Variants in UBE2F observed in about 807,000 individuals in gnomAD.
The protein encoded by UBE2F is NEDD8-conjugating enzyme UBE2F.
Under a neutral mutation model 29.6 loss-of-function variants are expected in UBE2F, and 5 were observed. The ratio of observed to expected loss-of-function variants is 0.17; its 90% CI spans 0.09 to 0.36. The LOEUF is 0.36. Among genes scored for constraint, UBE2F ranks in the 10% least tolerant of loss-of-function variants. The pLI, the probability that UBE2F is intolerant of heterozygous loss-of-function variation, is 1.00. For missense variants in UBE2F, 141 were observed against 228.5 expected, an observed-to-expected ratio of 0.62 and a Z score of 2.47; for synonymous variants, 66 against 81.8, an observed-to-expected ratio of 0.81 and a Z score of 1.04.
chr2:238,017,671 A>T (rs951326277), intron 5 of UBE2F, among the ~76,000 whole-genome samples: 2 of 152,198 alleles, frequency 1.3e-5, no homozygotes, highest in Non-Finnish European at 2.9e-5. Context: ...GCAGTTCAGC[A>T]TGCTTGTCTT....
intron 2 of UBE2F, chr2:237,973,601 A>G: frequency 9.2e-7 from 1 of 1,084,672 alleles, no homozygotes; most frequent in Non-Finnish European, 1.3e-6. Flanking sequence ...GTAAAGGGGA[A>G]GGAGTCAAAT....
At chr2:238,022,168 T>G (rs537203430) in intron 5 of UBE2F, among the ~76,000 whole-genome samples, 2 of 52,968 alleles carry the variant, frequency 3.8e-5, no homozygotes, top group African/African-American at 6.1e-5. Context: ...TTCTTTTCTT[T>G]TCTTTTCTTT....
intron 5 of UBE2F, 39 bp from the exon 6 acceptor site, chr2:238,025,303 A>T: frequency 1.3e-6 from 2 of 1,572,390 alleles, no homozygotes; most frequent in Non-Finnish European, 1.8e-6. Flanking sequence ...ATTTGCAGAG[A>T]CTGTCGGCGT....
intron 4 of UBE2F, chr2:238,003,572 G>A (rs1216678570): frequency 1.7e-5 from 5 of 286,296 alleles, no homozygotes; most frequent in Admixed American, 1.6e-4. Context: ...ATTTCCATGG[G>A]CAAAAACAGA....
At chr2:238,030,818 G>A (rs765214713) in intron 7 of UBE2F, among the ~76,000 whole-genome samples, 3 of 152,204 alleles carry the variant, frequency 2.0e-5, no homozygotes, top group African/African-American at 4.8e-5. Context: ...GAGCATCCTT[G>A]TTGACTTTGC....
chr2:237,971,483 C>T (rs77962184), intron 1 of UBE2F, among the ~76,000 whole-genome samples: 8 of 152,266 alleles, frequency 5.3e-5, no homozygotes, highest in South Asian at 2.1e-4. Flanking sequence ...CCACCACGCC[C>T]GGCTAATTTT....
At chr2:238,032,739 C>T (rs1348148235) in intron 8 of UBE2F, 1 of 154,136 alleles carries the variant, frequency 6.5e-6, no homozygotes, top group Admixed American at 6.4e-5. Flanking sequence ...CAAGACCAGC[C>T]TGGGCAACAT....
chr2:237,981,752 G>T (rs1452761445), intron 2 of UBE2F, among the ~76,000 whole-genome samples: 17 of 148,406 alleles, frequency 1.1e-4, no homozygotes, highest in African/African-American at 4.2e-4. Context: ...TCAGCCTCCT[G>T]AGTAGCTGGG....
intron 2 of UBE2F, among the ~76,000 whole-genome samples, chr2:237,985,174 T>G (rs1191505861): frequency 1.3e-5 from 2 of 152,234 alleles, no homozygotes; most frequent in Non-Finnish European, 2.9e-5. Flanking sequence ...GGTTGTTTAC[T>G]ACAGTCAGGT....
chr2:238,036,279 C>A (rs530588494), intron 9 of UBE2F, among the ~76,000 whole-genome samples: 1 of 152,106 alleles, frequency 6.6e-6, no homozygotes, highest in Admixed American at 6.5e-5. Context: ...CTCAAGTGAT[C>A]CTCCCTCTTC....
At chr2:238,030,085 A>G (rs557573209) in intron 6 of UBE2F, among the ~76,000 whole-genome samples, 32 of 151,980 alleles carry the variant, frequency 2.1e-4, no homozygotes, top group Admixed American at 2.6e-4. Flanking sequence ...GTGCACCACT[A>G]TGCCTGGCTA....
intron 3 of UBE2F, among the ~76,000 whole-genome samples, chr2:237,991,130 T>A (rs917341637): frequency 6.6e-6 from 1 of 152,214 alleles, no homozygotes; most frequent in African/African-American, 2.4e-5. Context: ...CCTATAGCTA[T>A]GGTGTCAGAT....
At chr2:238,039,222 C>T (rs1253847151) in intron 9 of UBE2F, among the ~76,000 whole-genome samples, 8 of 152,066 alleles carry the variant, frequency 5.3e-5, no homozygotes, top group African/African-American at 9.6e-5. Context: ...GCAGCAAGAG[C>T]GAAACTCCAT....
At position 237,981,770 on chromosome 2, in the gene UBE2F, G is replaced by T. The variant is rs1275452543; in HGVS notation, c.119-6193G>T. On this transcript the variant is annotated intron_variant, in intron 2 of 9. Transcript: ENST00000272930. ...GCCTCCTGAGTAGCTGGGAGTACAG[G>T]TGCATGCCACCATGCCTGGCTAATT... Among the ~76,000 whole-genome samples, 4 of 151,980 alleles carry T rather than the reference G, an allele frequency of 2.6e-5. No homozygotes were observed. In the East Asian group the frequency reaches 7.7e-4, roughly 29 times the overall value.
intron 4 of UBE2F, among the ~76,000 whole-genome samples, chr2:238,009,116 T>C (rs1421363993): frequency 1.3e-5 from 2 of 152,272 alleles, no homozygotes; most frequent in African/African-American, 4.8e-5. Flanking sequence ...TGTTCCACTT[T>C]ATGCGATGTG....
intron 4 of UBE2F, among the ~76,000 whole-genome samples, chr2:237,995,726 A>G (rs1233432705): frequency 2.6e-5 from 4 of 152,148 alleles, no homozygotes; most frequent in Non-Finnish European, 5.9e-5. Flanking sequence ...GATGTTTGAT[A>G]ATAATAGCAC....
intron 2 of UBE2F, chr2:237,973,653 A>G: frequency 7.7e-7 from 1 of 1,303,056 alleles, no homozygotes; most frequent in Non-Finnish European, 1.0e-6. Context: ...ATTCAGGTCA[A>G]AGCCTACGGC....
intron 3 of UBE2F, chr2:237,990,478 C>T (rs1163755758): frequency 2.3e-6 from 1 of 435,862 alleles, no homozygotes; most frequent in East Asian, 7.5e-5. Flanking sequence ...GTGTGGCTCA[C>T]TGCAGTCTCA....
At chr2:238,038,471 G>C (rs533786855) in intron 9 of UBE2F, among the ~76,000 whole-genome samples, 1 of 152,358 alleles carries the variant, frequency 6.6e-6, no homozygotes, top group East Asian at 1.9e-4. Flanking sequence ...CCCACCCCTT[G>C]CAGGCATTCA....
Sources: allele counts gnomAD v4.1 joint callset (sites outside exome capture counted in the v4.1 genomes callset), GRCh38; gene constraint gnomAD v4.1.1; transcripts MANE v1.5; gene names NCBI Gene and HGNC (gene_info 2026-07-23, HGNC 2026-07-21).